Variants in FARP1 observed in about 807,000 individuals in gnomAD.
FARP1 encodes the protein FERM, ARHGEF and pleckstrin domain-containing protein 1.
A neutral mutation model predicts 128.8 loss-of-function variants in FARP1; 52 were observed. The ratio of observed to expected loss-of-function variants is 0.40; its 90% confidence interval spans 0.32 to 0.51. The LOEUF (loss-of-function observed/expected upper bound fraction) is 0.51, where lower values mean the gene tolerates loss of function less well. Among genes scored for constraint, FARP1 ranks in the 20% least tolerant of loss-of-function variants. FARP1 has a pLI of 0.45. For synonymous variants in FARP1, 580 were observed against 551.8 expected, an observed-to-expected ratio of 1.05 and a Z score of -0.72; for missense variants, 1,333 against 1,367.9, an observed-to-expected ratio of 0.97 and a Z score of 0.40.
intron 2 of FARP1, among the ~76,000 whole-genome samples, chr13:98,243,423 C>T (rs560229671): frequency 3.3e-5 from 5 of 151,976 alleles, no homozygotes; most frequent in South Asian, 4.2e-4. Context: ...TGGCCGGGCA[C>T]GGTGGCTCAC....
intron 1 of FARP1, among the ~76,000 whole-genome samples, chr13:98,145,442 C>T (rs1386771279): frequency 6.6e-6 from 1 of 152,166 alleles, no homozygotes; most frequent in African/African-American, 2.4e-5. Context: ...TACTCTGTAG[C>T]CAGACTTATC....
chr13:98,295,138 T>A (rs1340989707), intron 2 of FARP1, among the ~76,000 whole-genome samples: 2 of 151,468 alleles, frequency 1.3e-5, no homozygotes, highest in Admixed American at 1.3e-4. Flanking sequence ...TTATTTATTT[T>A]TTGCAAGTCT....
At chr13:98,424,701 C>T (rs754173045) in intron 17 of FARP1, 51 bp downstream of exon 17, 7 of 1,293,348 alleles carry the variant, frequency 5.4e-6, no homozygotes, top group East Asian at 2.3e-5. Flanking sequence ...GAGAATCGAG[C>T]GGGGCTGCCA....
intron 2 of FARP1, among the ~76,000 whole-genome samples, chr13:98,317,133 C>T (rs1886754868): frequency 6.6e-6 from 1 of 152,122 alleles, no homozygotes; most frequent in South Asian, 2.1e-4. Context: ...GCGTTGCTGC[C>T]AAGAAGATGG....
intron 2 of FARP1, among the ~76,000 whole-genome samples, chr13:98,300,032 T>A (rs1367954068): frequency 6.6e-6 from 1 of 152,096 alleles, no homozygotes; most frequent in Non-Finnish European, 1.5e-5. Flanking sequence ...TTTCTAATGT[T>A]CCCCCAAATA....
intron 2 of FARP1, among the ~76,000 whole-genome samples, chr13:98,269,264 T>C (rs1321202190): frequency 6.6e-6 from 1 of 152,208 alleles, no homozygotes; most frequent in Admixed American, 6.5e-5. Flanking sequence ...GTGAATGTCA[T>C]GAGCTGCTTT....
At chr13:98,272,186 C>T (rs189710380) in intron 2 of FARP1, among the ~76,000 whole-genome samples, 9 of 152,198 alleles carry the variant, frequency 5.9e-5, no homozygotes, top group Admixed American at 1.3e-4. Context: ...CCTCCCACCA[C>T]GCCAGTCTAG....
intron 6 of FARP1, among the ~76,000 whole-genome samples, chr13:98,380,678 A>T (rs1232566971): frequency 6.6e-6 from 1 of 152,012 alleles, no homozygotes; most frequent in Non-Finnish European, 1.5e-5. Flanking sequence ...GAATCAGGCA[A>T]TCCTCCTGCC....
chr13:98,336,426 C>T (rs187485030), intron 2 of FARP1, among the ~76,000 whole-genome samples: 125 of 152,168 alleles, frequency 8.2e-4, no homozygotes, highest in Non-Finnish European at 2.5e-4. Flanking sequence ...CGCGCCACCA[C>T]GCCCAGATAA....
At chr13:98,310,075 T>A (rs1279078543) in intron 2 of FARP1, among the ~76,000 whole-genome samples, 1 of 72,134 alleles carries the variant, frequency 1.4e-5, no homozygotes, top group Non-Finnish European at 2.4e-5. Context: ...CTTAATAGAT[T>A]ACATGTTTTT....
intron 2 of FARP1, among the ~76,000 whole-genome samples, chr13:98,287,498 G>T (rs1185572203): frequency 4.6e-5 from 7 of 151,842 alleles, no homozygotes; most frequent in Non-Finnish European, 1.0e-4. Flanking sequence ...CAAAGTGCGG[G>T]ATTACAGGTG....
chr13:98,245,557 A>G (rs1259694729), intron 2 of FARP1, among the ~76,000 whole-genome samples: 4 of 152,172 alleles, frequency 2.6e-5, no homozygotes, highest in African/African-American at 9.7e-5. Flanking sequence ...TTTCCTTCCT[A>G]AAGGAAGTGG....
chr13:98,319,642 T>G (rs1050063612), intron 2 of FARP1, among the ~76,000 whole-genome samples: 1 of 152,198 alleles, frequency 6.6e-6, no homozygotes, highest in Non-Finnish European at 1.5e-5. Flanking sequence ...GTTCACAGCC[T>G]CCATTTATCT....
intron 2 of FARP1, among the ~76,000 whole-genome samples, chr13:98,239,797 T>C (rs1428249721): frequency 1.3e-5 from 2 of 151,988 alleles, no homozygotes; most frequent in Non-Finnish European, 2.9e-5. Context: ...AGCAGGTGAC[T>C]CTCTGGCTCC....
intron 2 of FARP1, among the ~76,000 whole-genome samples, chr13:98,242,530 G>T (rs1882834048): frequency 6.6e-6 from 1 of 152,100 alleles, no homozygotes; most frequent in Admixed American, 6.5e-5. Context: ...AATTTAAAAG[G>T]TAGCCACGTG....
chr13:98,216,921 C>T (rs1244762987), intron 2 of FARP1, among the ~76,000 whole-genome samples: 1 of 152,198 alleles, frequency 6.6e-6, no homozygotes, highest in African/African-American at 2.4e-5. Context: ...TGCAAATAAG[C>T]TTCAGCCTGT....
chr13:98,442,875 G>A (rs1282457592), intron 24 of FARP1, among the ~76,000 whole-genome samples: 1 of 152,226 alleles, frequency 6.6e-6, no homozygotes, highest in Non-Finnish European at 1.5e-5. Context: ...TGTGAATTAC[G>A]ACTCTCAAGG....
At chr13:98,263,776 T>C (rs1271248315) in intron 2 of FARP1, among the ~76,000 whole-genome samples, 1 of 152,252 alleles carries the variant, frequency 6.6e-6, no homozygotes, top group African/African-American at 2.4e-5. Flanking sequence ...TATCTTAGAA[T>C]TGATCTCACA....
chr13:98,368,271 GAC>G, intron 5 of FARP1, 76 bp downstream of exon 5: 1 of 1,037,678 alleles, frequency 9.6e-7, no homozygotes, highest in Non-Finnish European at 1.5e-6. Flanking sequence ...CTCAATTGAT[GAC>G]ACAAACATTT....
Sources: gnomAD v4.1 joint callset for allele counts (sites outside exome capture counted in the v4.1 genomes callset) on GRCh38, gnomAD v4.1.1 for gene constraint, MANE v1.5 for transcripts, NCBI Gene and HGNC (gene_info 2026-07-23, HGNC 2026-07-21) for gene names.